CTDSP2: variants seen among roughly 807,000 people sequenced by gnomAD.
The protein encoded by CTDSP2 is carboxy-terminal domain RNA polymerase II polypeptide A small phosphatase 2.
CTDSP2 carries 9 observed loss-of-function variants against 31.6 expected under a neutral mutation model. The observed-to-expected ratio is 0.28, with a 90% CI of 0.17 to 0.50. The LOEUF (loss-of-function observed/expected upper bound fraction) is 0.50. Among genes scored for constraint, CTDSP2 ranks in the 20% least tolerant of loss-of-function variants. The pLI, the probability that CTDSP2 is intolerant of heterozygous loss-of-function variation, is 0.98. For synonymous variants in CTDSP2, 134 were observed against 134.5 expected (o/e 1.00, Z 0.03); for missense variants, 267 against 348.5 (o/e 0.77, Z 1.86).
At chr12:57,825,356 C>T (rs180979584) in intron 5 of CTDSP2, among the ~76,000 whole-genome samples, 3 of 152,336 alleles carry the variant, frequency 2.0e-5, no homozygotes, top group Admixed American at 6.5e-5. Context: ...CTTCCTCATC[C>T]CAGCTTTCAT....
At chr12:57,830,096 A>T (rs1956205670) in intron 1 of CTDSP2, among the ~76,000 whole-genome samples, 1 of 152,158 alleles carries the variant, frequency 6.6e-6, no homozygotes, top group Non-Finnish European at 1.5e-5. Context: ...TAAAAACTTC[A>T]GGATAGAGGC....
intron 1 of CTDSP2, 63 bp downstream of exon 1, chr12:57,846,309 G>A (rs1956315881): frequency 6.7e-7 from 1 of 1,486,040 alleles, no homozygotes; most frequent in South Asian, 1.2e-5. Flanking sequence ...CTGGGTTCGG[G>A]GCTGTGCTAG....
intron 1 of CTDSP2, chr12:57,837,119 GAA>G (rs955919262): frequency 1.3e-5 from 2 of 152,260 alleles, no homozygotes; most frequent in African/African-American, 4.8e-5. Flanking sequence ...CCCATGGAGA[GAA>G]GTCCTCCCAG....
intron 1 of CTDSP2, among the ~76,000 whole-genome samples, chr12:57,844,793 C>G (rs1029992699): frequency 1.3e-5 from 2 of 151,954 alleles, no homozygotes; most frequent in African/African-American, 4.8e-5. Context: ...TCAGGGAGGC[C>G]GGAGCCTTCT....
chr12:57,822,262 G>C lies in CTDSP2; in HGVS notation c.*1340C>G. The stretch of plus-strand genomic sequence containing the variant: ...TCCACCCTGGGAAAACTTCCATTTC[G>C]TGATGACTTTAATTTTAAAGCATTC... On this transcript the variant is annotated 3_prime_UTR_variant, in exon 8 of 8. Coordinates refer to ENST00000398073, the MANE Select transcript of CTDSP2 (RefSeq NM_005730.4). The C allele has an allele frequency of 6.6e-6, 1 of 152,486 alleles. No individual in the cohort carries two copies. The highest frequency in any genetic ancestry group is 6.5e-5 in the Admixed American group (1 of 15,296). The allele number at this position is 152,486 out of a possible 1,614,324, so 9.4% of individuals were successfully genotyped here.
At chr12:57,832,858 G>C (rs1449005688) in intron 1 of CTDSP2, among the ~76,000 whole-genome samples, 1 of 149,938 alleles carries the variant, frequency 6.7e-6, no homozygotes, top group Non-Finnish European at 1.5e-5. Flanking sequence ...GCAAGACAGA[G>C]GTTCCTTGGA....
At chr12:57,845,512 C>G (rs1565850655) in intron 1 of CTDSP2, 1 of 152,230 alleles carries the variant, frequency 6.6e-6, no homozygotes, top group African/African-American at 2.4e-5. Flanking sequence ...CAGCCGCTGC[C>G]CACAGAGAAC....
chr12:57,838,003 T>G (rs1956258470), intron 1 of CTDSP2, among the ~76,000 whole-genome samples: 1 of 152,130 alleles, frequency 6.6e-6, no homozygotes, highest in Non-Finnish European at 1.5e-5. Flanking sequence ...GGACTCAGTT[T>G]TGGGAGCAGG....
rs1307822818 is a variant in CTDSP2 at position 57,820,603 on chromosome 12, A to G, written c.*2999T>C. ...AAGCAGCGTCTGGGCCACTGTTACC[A>G]GAGGTGAGTTTATACATTTACAAAA... is the stretch of plus-strand genomic sequence containing the variant. On this transcript the variant is annotated 3_prime_UTR_variant, in exon 8 of 8. Coordinates refer to ENST00000398073, the MANE Select transcript of CTDSP2 (RefSeq NM_005730.4). 2.0e-5 allele frequency: 3 copies of G among 152,770 alleles called. No homozygotes were observed. Among genetic ancestry groups the G allele is most frequent in the East Asian group, 3.9e-4 (2 of 5,190 alleles). 9.5% of individuals were successfully genotyped at this position (152,770 alleles called of 1,614,324 possible). A position where few individuals can be genotyped will look rare whatever the true frequency, so the allele number is the denominator to read the frequency against.
chr12:57,841,562 A>G (rs1488938151), intron 1 of CTDSP2, among the ~76,000 whole-genome samples: 1 of 152,218 alleles, frequency 6.6e-6, no homozygotes, highest in East Asian at 1.9e-4. Flanking sequence ...CAGAATGGCC[A>G]AAGTCCCACA....
Position 57,820,861 on chromosome 12 carries a change from G to A in CTDSP2, c.*2741C>T, listed in dbSNP as rs569018432. The A allele has an allele frequency of 6.6e-6, 1 of 152,334 alleles. No individual in the cohort carries two copies. The highest frequency in any genetic ancestry group is 2.1e-4 in the South Asian group (1 of 4,828). The allele number at this position is 152,334 out of a possible 1,614,324, so 9.4% of individuals were successfully genotyped here. ...CTTTTGATTTAGAAGCCCAATCAGAGAGACACACTGTGTCCCTGAAGAGGC... is the reference window on the plus strand; with the variant it reads ...CTTTTGATTTAGAAGCCCAATCAGAAAGACACACTGTGTCCCTGAAGAGGC... On this transcript the variant is annotated 3_prime_UTR_variant, in exon 8 of 8. Transcript: ENST00000398073.
In CTDSP2 at chr12:57,821,122, AAC is replaced by A. The variant is rs1322530753; in HGVS notation, c.*2478_*2479del. 2.0e-5 allele frequency: 3 copies of A among 152,206 alleles called. No individual in the cohort carries two copies. Among genetic ancestry groups the A allele is most frequent in the Admixed American group, 6.5e-5 (1 of 15,278 alleles). 9.4% of individuals were successfully genotyped at this position (152,206 alleles called of 1,614,324 possible). On this transcript the variant is annotated 3_prime_UTR_variant, in exon 8 of 8. Coordinates refer to ENST00000398073, the MANE Select transcript of CTDSP2 (RefSeq NM_005730.4). Reference sequence around the variant, plus strand: ...AAATTTTACAATCATCCCTCACCCTAACACACGGTGAAACTGGAAACCCGACA... The same window carrying A: ...AAATTTTACAATCATCCCTCACCCTAACACGGTGAAACTGGAAACCCGACA...
chr12:57,829,471 C>G lies in CTDSP2; in HGVS notation c.190G>C (p.Glu64Gln). ...ACCTTAGCAATGGTGTTTGCTTCCT[C>G]CTTATACGCAGCGAGCTCAGTGGAG... ...SSSTELAAYK[E>Q]EANTIAKSDL... The change falls in exon 2 of 8, where the codon GAG becomes CAG. Residue 64 changes from glutamate to glutamine, a missense_variant. By Grantham distance (29) the Glu-to-Gln change is conservative. Coordinates refer to ENST00000398073, the MANE Select transcript of CTDSP2 (RefSeq NM_005730.4). The G allele has an allele frequency of 1.2e-6, 2 of 1,614,166 alleles. No homozygotes were observed. The highest frequency in any genetic ancestry group is 1.7e-6 in the Non-Finnish European group (2 of 1,180,014).
chr12:57,829,672 G>T, intron 1 of CTDSP2, 76 bp from the exon 2 acceptor site: 1 of 1,373,840 alleles, frequency 7.3e-7, no homozygotes, highest in Non-Finnish European at 1.0e-6. Flanking sequence ...CATGCCCATA[G>T]CTCTTCTAGT....
chr12:57,826,543 C>A, intron 4 of CTDSP2, 141 bp from the exon 5 acceptor site: 2 of 722,500 alleles, frequency 2.8e-6, no homozygotes, highest in Admixed American at 4.9e-5. Context: ...GGGTTCTCAC[C>A]CTAGTTCAAG....
At position 57,823,583 on chromosome 12, in the gene CTDSP2, C is replaced by G; in HGVS notation, c.*19G>C. The G allele has an allele frequency of 3.7e-6, 6 of 1,612,926 alleles. No homozygotes were observed. Among genetic ancestry groups the G allele is most frequent in the African/African-American group, 1.3e-5 (1 of 75,040 alleles). ...GAAAGTCCCCTACTGGGATGGCCGT[C>G]GCTTGGAAGCAGGGCAGGCTAAGGG... On this transcript the variant is annotated 3_prime_UTR_variant, in exon 8 of 8. Coordinates refer to ENST00000398073, the MANE Select transcript of CTDSP2 (RefSeq NM_005730.4).
rs577141616 is a variant in CTDSP2 at position 57,845,730 on chromosome 12, G to C, written c.64+642C>G. Among the ~76,000 whole-genome samples the C allele has an allele frequency of 3.9e-5, 6 of 152,262 alleles. No homozygotes were observed. In the East Asian group the frequency reaches 1.2e-3, roughly 29 times the overall value. ...TCAGCGAAACTGGTCAGAGGCAGCC[G>C]GGAGGGAGCCCGACGCCGCCAAGGT... On this transcript the variant is annotated intron_variant, in intron 1 of 7. Coordinates refer to ENST00000398073, the MANE Select transcript of CTDSP2 (RefSeq NM_005730.4).
At chr12:57,836,688 A>G (rs1308062399) in intron 1 of CTDSP2, among the ~76,000 whole-genome samples, 1 of 152,040 alleles carries the variant, frequency 6.6e-6, no homozygotes, top group Non-Finnish European at 1.5e-5. Flanking sequence ...ACGTGCACAC[A>G]TACACACAAA....
At chr12:57,842,013 T>C (rs971285787) in intron 1 of CTDSP2, among the ~76,000 whole-genome samples, 1 of 152,160 alleles carries the variant, frequency 6.6e-6, no homozygotes. Context: ...GAAGTAACAA[T>C]GTAAACTTTA....
Sources: allele counts gnomAD v4.1 joint callset (sites outside exome capture counted in the v4.1 genomes callset), GRCh38; gene constraint gnomAD v4.1.1; transcripts MANE v1.5; gene names NCBI Gene and HGNC (gene_info 2026-07-23, HGNC 2026-07-21).